Variants in PKD1L1 observed in about 807,000 individuals in gnomAD.
PKD1L1 encodes the protein polycystin-1-like protein 1.
Under a neutral mutation model 323.4 loss-of-function variants are expected in PKD1L1, and 236 were observed. The observed-to-expected ratio is 0.73, with a 90% CI of 0.66 to 0.81. The LOEUF (loss-of-function observed/expected upper bound fraction) is 0.81, where lower values mean the gene tolerates loss of function less well. PKD1L1 is among the 40% of genes least tolerant of loss of function. PKD1L1 has a pLI of 0.00. For missense variants in PKD1L1, 3,320 were observed against 3,508.0 expected (o/e 0.95, Z 1.35); for synonymous variants, 1,344 against 1,335.0 (o/e 1.01, Z -0.15).
chr7:47,909,666 G>C (rs1005886333), intron 8 of PKD1L1, among the ~76,000 whole-genome samples: 1 of 152,174 alleles, frequency 6.6e-6, no homozygotes, highest in African/African-American at 2.4e-5. Context: ...TTACAGAATG[G>C]AATACTGAAG....
chr7:47,855,672 C>T (rs990981857), intron 28 of PKD1L1, among the ~76,000 whole-genome samples: 6 of 98,846 alleles, frequency 6.1e-5, no homozygotes, highest in African/African-American at 2.9e-4. Context: ...GTCAGGAGAT[C>T]GAGACCATCC....
At chr7:47,796,940 C>T (rs1784552999) in intron 54 of PKD1L1, among the ~76,000 whole-genome samples, 1 of 149,102 alleles carries the variant, frequency 6.7e-6, no homozygotes, top group Non-Finnish European at 1.5e-5. Flanking sequence ...GCGGAGCTTG[C>T]AGTGAGCAGA....
Position 47,840,565 on chromosome 7 carries a change from C to T in PKD1L1, c.5448G>A (p.Val1816=). The T allele has an allele frequency of 1.2e-6, 2 of 1,611,322 alleles. No homozygotes were observed. The highest frequency in any genetic ancestry group is 4.5e-5 in the East Asian group (2 of 44,860). ...FRAPARLTSK[V]YIVLCGDNGL... Reference sequence around the variant, plus strand: ...CATTGTCGCCACATAAAACAATGTACACCTCAAAACAAAGAACAGGGGTGG... The same window carrying T: ...CATTGTCGCCACATAAAACAATGTATACCTCAAAACAAAGAACAGGGGTGG... The change falls in exon 35 of 57, where the codon GTG becomes GTA. Residue 1816 remains valine (V), a splice_region_variant and synonymous_variant. Coordinates refer to ENST00000289672, the MANE Select transcript of PKD1L1 (RefSeq NM_138295.5). This position sits in a 1 kb window ranked among gnomAD's most constrained non-coding sequence, Gnocchi z 4.1.
chr7:47,949,133 G>A (rs1287149526), upstream of PKD1L1, among the ~76,000 whole-genome samples: 5 of 151,726 alleles, frequency 3.3e-5, no homozygotes, highest in Admixed American at 3.3e-4. Flanking sequence ...CACTTTGGGA[G>A]GTCGAGGTGG....
At chr7:47,812,955 A>G (rs1434552594) in intron 49 of PKD1L1, among the ~76,000 whole-genome samples, 166 bp downstream of exon 49, 1 of 152,234 alleles carries the variant, frequency 6.6e-6, no homozygotes, top group African/African-American at 2.4e-5. Flanking sequence ...TGCTTCTATC[A>G]TTCACAACAA....
chr7:47,821,565 G>A (rs149593838), intron 45 of PKD1L1, among the ~76,000 whole-genome samples: 191 of 152,022 alleles, frequency 1.3e-3, no homozygotes, highest in African/African-American at 4.4e-3. Context: ...CACCATGCCG[G>A]GCCAGAAGAT....
At chr7:47,956,041 T>C in the PKD1L1 span, among the ~76,000 whole-genome samples, 1 of 152,170 alleles carries the variant, frequency 6.6e-6, no homozygotes, top group African/African-American at 2.4e-5. Flanking sequence ...GCTTACTGGC[T>C]TCTCTCCCTA....
chr7:47,890,626 A>T lies in PKD1L1; in HGVS notation c.2591T>A (p.Leu864His), dbSNP rs1003342168. The change falls in exon 16 of 57, where the codon CTT becomes CAT. Residue 864 changes from leucine to histidine, a missense_variant. Leu to His is a moderately conservative substitution (Grantham distance 99, BLOSUM62 -3). Coordinates refer to ENST00000289672, the MANE Select transcript of PKD1L1 (RefSeq NM_138295.5). ...QWLSDSYDQF[L>H]VMLRVSSGGR... Reference sequence around the variant, plus strand: ...ACCACTGGAGACCCTCAGCATCACAAGGAACTGATCATAGCTGTCACTGAG... The same window carrying T: ...ACCACTGGAGACCCTCAGCATCACATGGAACTGATCATAGCTGTCACTGAG... The T allele has an allele frequency of 6.2e-7, 1 of 1,614,176 alleles. No homozygotes were observed. The highest frequency in any genetic ancestry group is 2.2e-5 in the East Asian group (1 of 44,874).
rs1287665461 is a variant in PKD1L1 at position 47,829,464 on chromosome 7, T to C, written c.6696A>G (p.Ser2232=). 1.9e-6 allele frequency: 3 copies of C among 1,614,008 alleles called. No individual in the cohort carries two copies. In the East Asian group the frequency reaches 6.7e-5, roughly 36 times the overall value. The part of the protein sequence containing the change: ...ERSWTRLPFS[S]SCSIPDCAGE... Reference sequence around the variant, plus strand: ...CTGCACAGTCAGGAATACTGCAGCTTGAAGAGAAGGGGAGGCGAGTCCAGG... The same window carrying C: ...CTGCACAGTCAGGAATACTGCAGCTCGAAGAGAAGGGGAGGCGAGTCCAGG... Residue 2232 remains serine, a synonymous_variant, in exon 44 of 57, where the codon TCA becomes TCG. Transcript: ENST00000289672.
intron 56 of PKD1L1, among the ~76,000 whole-genome samples, chr7:47,783,317 AT>A (rs1786737737): frequency 8.5e-6 from 1 of 117,826 alleles, no homozygotes; most frequent in African/African-American, 3.2e-5. Flanking sequence ...TTATAAAAGC[AT>A]TTATAAATTA....
chr7:47,797,525 C>G (rs1394534221), intron 54 of PKD1L1, among the ~76,000 whole-genome samples: 1 of 152,160 alleles, frequency 6.6e-6, no homozygotes, highest in Non-Finnish European at 1.5e-5. Flanking sequence ...GCAACACACC[C>G]ATGGCAGACA....
rs1785346919 is a variant in PKD1L1, at chr7:47,831,404, C to T, written c.6338-52G>A. Reference sequence around the variant, plus strand: ...GCAGCTTAAGAGACCTCGGCATCTCCATCCACGCGGAGTGTGGTGGTGAAT... The same window carrying T: ...GCAGCTTAAGAGACCTCGGCATCTCTATCCACGCGGAGTGTGGTGGTGAAT... On this transcript the variant is annotated intron_variant, in intron 41 of 56. Coordinates refer to ENST00000289672, the MANE Select transcript of PKD1L1 (RefSeq NM_138295.5). The T allele has an allele frequency of 1.9e-6, 3 of 1,568,118 alleles. No homozygotes were observed. The African/African-American group carries it at 4.1e-5, about 21-fold the overall frequency.
At position 47,902,420 on chromosome 7, in the gene PKD1L1, G is replaced by A. The variant is rs768706523; in HGVS notation, c.2023C>T (p.Gln675Ter). ...CCCATGTTCTTCACCAGGGGTGGCT[G>A]GCAGGGCTCGCACACGATGAAAAGT... ...QQLFIVCEPC[Q>*]PPLVKNMGPG... The change falls in exon 13 of 57, where the codon CAG becomes TAG. Residue 675 changes from glutamine (Q) to a stop codon, truncating the protein, a stop_gained. Coordinates refer to ENST00000289672, the MANE Select transcript of PKD1L1 (RefSeq NM_138295.5). LOFTEE classifies it high-confidence loss of function. The A allele has an allele frequency of 1.2e-6, 2 of 1,614,198 alleles. No homozygotes were observed. Among genetic ancestry groups the A allele is most frequent in the Non-Finnish European group, 1.7e-6 (2 of 1,180,028 alleles).
rs1396805913 is a variant in PKD1L1 at position 47,855,041 on chromosome 7, T to C, written c.4702-2A>G. Reference sequence around the variant, plus strand: ...TGTCGTTTTATTTCTCCTATTATCCTGTCATCACAAAGAAAACAAGTTAAG... The same window carrying C: ...TGTCGTTTTATTTCTCCTATTATCCCGTCATCACAAAGAAAACAAGTTAAG... On this transcript the variant is annotated splice_acceptor_variant, in intron 29 of 56. Transcript: ENST00000289672. LOFTEE classifies it high-confidence loss of function. 6.2e-7 allele frequency: 1 copy of C among 1,610,108 alleles called. No individual in the cohort carries two copies. The highest frequency in any genetic ancestry group is 8.5e-7 in the Non-Finnish European group (1 of 1,178,236).
chr7:47,862,120 G>A (rs186540364), intron 26 of PKD1L1, among the ~76,000 whole-genome samples: 10 of 151,826 alleles, frequency 6.6e-5, no homozygotes, highest in South Asian at 4.2e-4. Context: ...ACTTGAACCC[G>A]GAAGGCAGAG....
chr7:47,898,160 GTCACTCCCAGCC>G lies in PKD1L1; in HGVS notation c.2087_2098del (p.Arg696_Val699del). ...ATCACAGAAGACTGCAGCTTCAAAC[GTCACTCCCAGCC>G]TCACAGGCTGAGACCTCCATATCTA... On this transcript the variant is annotated inframe_deletion, in exon 14 of 57. Transcript: ENST00000289672. The G allele has an allele frequency of 6.2e-7, 1 of 1,614,108 alleles. No individual in the cohort carries two copies. The highest frequency in any genetic ancestry group is 8.5e-7 in the Non-Finnish European group (1 of 1,180,012).
intron 53 of PKD1L1, among the ~76,000 whole-genome samples, 165 bp downstream of exon 53, chr7:47,803,045 T>A (rs941544118): frequency 6.6e-6 from 1 of 152,242 alleles, no homozygotes; most frequent in African/African-American, 2.4e-5. Context: ...ACTATGTAAC[T>A]ATTGATATCA....
In PKD1L1 at chr7:47,938,333, G is replaced by C. The variant is rs1787911094; in HGVS notation, c.286-1375C>G. ...TGCCAGCTCGTGCCTGAGTGCATAC[G>C]CCTGGCACCTGCCCCTCTTCTGTGA... On this transcript the variant is annotated intron_variant, in intron 3 of 56. Coordinates refer to ENST00000289672, the MANE Select transcript of PKD1L1 (RefSeq NM_138295.5). Among the ~76,000 whole-genome samples the C allele has an allele frequency of 2.0e-5, 3 of 152,234 alleles. No homozygotes were observed. The East Asian group carries it at 5.8e-4, about 29-fold the overall frequency.
chr7:47,923,800 G>A (rs1787604792), intron 7 of PKD1L1, among the ~76,000 whole-genome samples: 1 of 152,126 alleles, frequency 6.6e-6, no homozygotes, highest in Non-Finnish European at 1.5e-5. Context: ...AAAATCAAGT[G>A]TTTTTCACCC....
Sources: gnomAD v4.1 joint callset for allele counts (sites outside exome capture counted in the v4.1 genomes callset) on GRCh38, gnomAD v4.1.1 for gene constraint, Gnocchi (gnomAD v3.1) non-coding constraint, MANE v1.5 for transcripts, NCBI Gene and HGNC (gene_info 2026-07-23, HGNC 2026-07-21) for gene names.